LIMCH1: variants seen among roughly 807,000 people sequenced by gnomAD.
The protein encoded by LIMCH1 is LIM and calponin homology domains-containing protein 1.
A neutral mutation model predicts 176.5 loss-of-function variants in LIMCH1; 113 were observed. That is an observed-to-expected ratio of 0.64 (90% confidence interval 0.55 to 0.75). The LOEUF is 0.75. Ranked by LOEUF, LIMCH1 falls within the 30% of genes least tolerant of loss-of-function variation. The pLI, the probability that LIMCH1 is intolerant of heterozygous loss-of-function variation, is 0.00. For synonymous variants in LIMCH1, 619 were observed against 645.9 expected, an observed-to-expected ratio of 0.96 and a Z score of 0.63; for missense variants, 1,674 against 1,814.9, an observed-to-expected ratio of 0.92 and a Z score of 1.41.
At chr4:41,419,635 C>CGTCCTTCCTTCCTTCCTTCCTTCCT (rs1554039982) in intron 1 of LIMCH1, among the ~76,000 whole-genome samples, 1 of 64,320 alleles carries the variant, frequency 1.6e-5, no homozygotes, top group African/African-American at 9.1e-5. Context: ...TCCTTCCTTC[C>CGTCCTTCCTTCCTTCCTTCCTTCCT]TCCTTCCTTT....
At chr4:41,675,417 C>A (rs1347512526) in intron 22 of LIMCH1, among the ~76,000 whole-genome samples, 1 of 152,174 alleles carries the variant, frequency 6.6e-6, no homozygotes, top group African/African-American at 2.4e-5. Context: ...CACCCCTCCC[C>A]ACCCCAACCC....
intron 1 of LIMCH1, among the ~76,000 whole-genome samples, chr4:41,452,746 C>T (rs2064045397): frequency 6.6e-6 from 1 of 152,180 alleles, no homozygotes; most frequent in South Asian, 2.1e-4. Flanking sequence ...TCTGCAAAGC[C>T]TTCCTCAATC....
intron 2 of LIMCH1, among the ~76,000 whole-genome samples, chr4:41,501,383 A>G: frequency 6.6e-6 from 1 of 152,334 alleles, no homozygotes; most frequent in South Asian, 2.1e-4. Context: ...TATGAAAGAC[A>G]TATTTCTATT....
intron 14 of LIMCH1, 128 bp downstream of exon 14, chr4:41,639,095 G>A (rs556958147): frequency 5.7e-6 from 4 of 704,744 alleles, no homozygotes; most frequent in Admixed American, 3.0e-5. Context: ...GTGCAGCAAA[G>A]CACTTGAAGT....
At chr4:41,591,343 G>A (rs980832873) in intron 1 of LIMCH1, among the ~76,000 whole-genome samples, 6 of 152,208 alleles carry the variant, frequency 3.9e-5, no homozygotes, top group East Asian at 1.9e-4. Context: ...CTGGGCTCAG[G>A]TGATTCTCCC....
At chr4:41,415,892 G>A (rs1463312258) in intron 1 of LIMCH1, among the ~76,000 whole-genome samples, 8 of 151,878 alleles carry the variant, frequency 5.3e-5, no homozygotes, top group Admixed American at 2.0e-4. Context: ...CAGGAGAATC[G>A]CTTGAACCCG....
At chr4:41,413,567 G>A (rs2059678324) in intron 1 of LIMCH1, among the ~76,000 whole-genome samples, 1 of 151,126 alleles carries the variant, frequency 6.6e-6, no homozygotes, top group South Asian at 2.1e-4. Flanking sequence ...CAAAATCCTG[G>A]CTTCAAGTGA....
chr4:41,404,323 T>C (rs77596602), intron 1 of LIMCH1, among the ~76,000 whole-genome samples: 1,588 of 151,894 alleles, frequency 0.01, 36 homozygotes, highest in African/African-American at 0.036. Flanking sequence ...GGAAGAGCCA[T>C]CAGACTTTGT....
At position 41,626,823 on chromosome 4, in the gene LIMCH1, T is replaced by G. The variant is rs1388314816; in HGVS notation, c.841T>G (p.Cys281Gly). The change falls in exon 8 of 32, where the codon TGT becomes GGT. Residue 281 changes from cysteine to glycine, a missense_variant. Physicochemically the swap from Cys to Gly is radical, Grantham distance 159. Around this residue, in one of 3 missense-constraint regions of LIMCH1, gnomAD observed 655 missense variants for 692.2 expected, o/e 0.95. Transcript: ENST00000503057. ...NDSEAEGEVV[C>G]RLPDLEKDDF... ...TTCAGAGGCAGAAGGTGAAGTTGTG[T>G]GTCGACTGCCTGATCTTGAGAAGGA... 2.6e-6 allele frequency: 4 copies of G among 1,536,132 alleles called. No individual in the cohort carries two copies. The highest frequency in any genetic ancestry group is 3.5e-6 in the Non-Finnish European group (4 of 1,146,936).
chr4:41,416,812 C>A (rs1180021022), intron 1 of LIMCH1, among the ~76,000 whole-genome samples: 1 of 152,018 alleles, frequency 6.6e-6, no homozygotes, highest in Non-Finnish European at 1.5e-5. Flanking sequence ...TCTAGGCAAA[C>A]CTATCCCCAA....
At chr4:41,518,857 G>C (rs2075844923) in intron 2 of LIMCH1, among the ~76,000 whole-genome samples, 2 of 152,104 alleles carry the variant, frequency 1.3e-5, no homozygotes, top group Non-Finnish European at 2.9e-5. Context: ...TCCTAGGTTA[G>C]TTTGGTGAGG....
In LIMCH1 at chr4:41,574,001, A is replaced by G. The variant is rs117331330; in HGVS notation, c.-240-24919A>G. ...GGAAGACAAATCTCTCTTATATGCCATCTGTGAGGGAATTTGTGCTAAATT... is the reference window on the plus strand; with the variant it reads ...GGAAGACAAATCTCTCTTATATGCCGTCTGTGAGGGAATTTGTGCTAAATT... On this transcript the variant is annotated intron_variant, in intron 1 of 31. Transcript: ENST00000503057. Among the ~76,000 whole-genome samples the G allele has an allele frequency of 1.1e-3, 171 of 152,200 alleles. 3 individuals carry two copies. In the East Asian group the frequency reaches 0.029, roughly 26 times the overall value.
chr4:41,650,384 C>A lies in LIMCH1; in HGVS notation c.2821-9C>A. The A allele has an allele frequency of 6.2e-7, 1 of 1,610,570 alleles. No homozygotes were observed. Among genetic ancestry groups the A allele is most frequent in the Non-Finnish European group, 8.5e-7 (1 of 1,177,076 alleles). ...ATAGCATGTTTTTTGTTCATTCTGG[C>A]TTTTATAGGTAGACGGGAAAGTCAG... On this transcript the variant is annotated splice_polypyrimidine_tract_variant and intron_variant, in intron 17 of 31. Coordinates refer to ENST00000503057, the MANE Select transcript of LIMCH1 (RefSeq NM_001330672.2).
intron 3 of LIMCH1, among the ~76,000 whole-genome samples, chr4:41,529,109 G>GT (rs11308780): frequency 3.0e-4 from 46 of 151,568 alleles, no homozygotes; most frequent in African/African-American, 9.4e-4. Flanking sequence ...CATACCAAAG[G>GT]TTTTTTTTTA....
intron 1 of LIMCH1, among the ~76,000 whole-genome samples, chr4:41,444,641 C>T (rs1030423571): frequency 6.6e-6 from 1 of 152,096 alleles, no homozygotes; most frequent in Non-Finnish European, 1.5e-5. Context: ...AACAAAAGTG[C>T]CAATACAAGC....
intron 21 of LIMCH1, chr4:41,671,072 A>T: frequency 1.3e-6 from 1 of 774,570 alleles, no homozygotes; most frequent in Non-Finnish European, 1.6e-6. Context: ...AAAAAAAAAA[A>T]AGATTAAAAG....
At chr4:41,509,027 G>A (rs995973914) in intron 2 of LIMCH1, among the ~76,000 whole-genome samples, 24 of 152,118 alleles carry the variant, frequency 1.6e-4, no homozygotes, top group Non-Finnish European at 3.1e-4. Flanking sequence ...GATGAGATTA[G>A]TATGACCCAA....
chr4:41,567,041 C>G (rs1213371823), intron 1 of LIMCH1, among the ~76,000 whole-genome samples: 1 of 152,220 alleles, frequency 6.6e-6, no homozygotes, highest in Admixed American at 6.5e-5. Context: ...ATTCTTAAAG[C>G]TGTTCTTCCT....
intron 1 of LIMCH1, among the ~76,000 whole-genome samples, chr4:41,487,310 A>G (rs561303528): frequency 1.3e-5 from 2 of 152,290 alleles, no homozygotes; most frequent in African/African-American, 4.8e-5. Context: ...TCTATCCTAA[A>G]TAGATGGAAT....
Sources: gnomAD v4.1 joint callset for allele counts (sites outside exome capture counted in the v4.1 genomes callset) on GRCh38, gnomAD v4.1.1 for gene constraint, gnomAD v4.1.1 regional missense constraint, MANE v1.5 for transcripts, NCBI Gene and HGNC (gene_info 2026-07-23, HGNC 2026-07-21) for gene names.